Variants in ANTXR1 observed in about 807,000 individuals in gnomAD.
ANTXR1 encodes ANTXR cell adhesion molecule 1.
ANTXR1 carries 19 observed loss-of-function variants against 78.1 expected under a neutral mutation model. That is an observed-to-expected ratio of 0.24 (90% CI 0.17 to 0.36). The LOEUF (loss-of-function observed/expected upper bound fraction) is 0.36. Ranked by LOEUF, ANTXR1 falls within the 10% of genes least tolerant of loss-of-function variation. The pLI is 1.00. For synonymous variants in ANTXR1, 273 were observed against 260.5 expected, an observed-to-expected ratio of 1.05 and a Z score of -0.46; for missense variants, 518 against 718.6, an observed-to-expected ratio of 0.72 and a Z score of 3.19.
At chr2:69,106,474 C>T (rs1404995961) in intron 10 of ANTXR1, among the ~76,000 whole-genome samples, 1 of 152,178 alleles carries the variant, frequency 6.6e-6, no homozygotes, top group Non-Finnish European at 1.5e-5. Context: ...GCTGTGACCC[C>T]GATGCTGATG....
chr2:69,017,850 A>G (rs1213797649), intron 1 of ANTXR1, among the ~76,000 whole-genome samples: 1 of 152,144 alleles, frequency 6.6e-6, no homozygotes, highest in African/African-American at 2.4e-5. Flanking sequence ...TCCAAGATGA[A>G]TGCACCCATT....
At chr2:69,117,644 C>G (rs1437360798) in intron 10 of ANTXR1, among the ~76,000 whole-genome samples, 1 of 152,180 alleles carries the variant, frequency 6.6e-6, no homozygotes. Context: ...TGATTTTAAA[C>G]CATACATCCA....
At chr2:69,224,992 T>G (rs1009434586) in intron 17 of ANTXR1, among the ~76,000 whole-genome samples, 6 of 126,266 alleles carry the variant, frequency 4.8e-5, no homozygotes, top group African/African-American at 9.9e-5. Context: ...TTTTCTGTGG[T>G]GTTCCCAGCC....
At chr2:69,245,086 T>C (rs1249971072) in intron 17 of ANTXR1, 139 bp from the exon 18 acceptor site, 1 of 952,432 alleles carries the variant, frequency 1.0e-6, no homozygotes, top group Non-Finnish European at 1.7e-6. Context: ...TGTCCTCAAG[T>C]TCTACTATGT....
At chr2:69,183,009 G>T in intron 16 of ANTXR1, 1 of 281,406 alleles carries the variant, frequency 3.6e-6, no homozygotes, top group Non-Finnish European at 6.7e-6. Flanking sequence ...ACCATGGCAA[G>T]GTACTGGAAA....
intron 3 of ANTXR1, among the ~76,000 whole-genome samples, chr2:69,061,077 C>T (rs1437285960): frequency 6.6e-6 from 1 of 152,114 alleles, no homozygotes; most frequent in Non-Finnish European, 1.5e-5. Flanking sequence ...GATGAACAAA[C>T]CATGTAGCCT....
intron 17 of ANTXR1, among the ~76,000 whole-genome samples, chr2:69,200,591 CT>C (rs1282830375): frequency 1.3e-5 from 2 of 152,200 alleles, no homozygotes; most frequent in Non-Finnish European, 2.9e-5. Context: ...AACCCCTTTC[CT>C]TTTTTTCTTT....
intron 9 of ANTXR1, among the ~76,000 whole-genome samples, chr2:69,101,435 T>G (rs1671616589): frequency 6.6e-6 from 1 of 152,228 alleles, no homozygotes; most frequent in Non-Finnish European, 1.5e-5. Flanking sequence ...CTTGGACACA[T>G]TACTTAACTT....
chr2:69,182,914 A>T, intron 16 of ANTXR1: 7 of 527,326 alleles, frequency 1.3e-5, no homozygotes, highest in Non-Finnish European at 2.4e-5. Flanking sequence ...AAACTGGAAC[A>T]ATATAGAGAA....
chr2:69,181,276 C>G (rs1573959444), intron 14 of ANTXR1, among the ~76,000 whole-genome samples: 3 of 152,200 alleles, frequency 2.0e-5, no homozygotes, highest in Admixed American at 2.0e-4. Context: ...ACAGAACTAG[C>G]TGGCAAGTTG....
intron 3 of ANTXR1, among the ~76,000 whole-genome samples, chr2:69,070,026 C>A (rs1670520262): frequency 6.6e-6 from 1 of 152,130 alleles, no homozygotes; most frequent in Admixed American, 6.5e-5. Context: ...TCCATTTGGC[C>A]CCCAAGTCAT....
chr2:69,048,207 C>T (rs189816460), intron 3 of ANTXR1, among the ~76,000 whole-genome samples: 1 of 151,878 alleles, frequency 6.6e-6, no homozygotes, highest in East Asian at 1.9e-4. Context: ...TTCAACTATT[C>T]ATTTAAAAAA....
chr2:69,142,674 G>A (rs1048560947), intron 12 of ANTXR1, among the ~76,000 whole-genome samples: 2 of 152,138 alleles, frequency 1.3e-5, no homozygotes, highest in Admixed American at 6.6e-5. Context: ...TAAATCAGGT[G>A]GTACCTGAGC....
At chr2:69,032,281 T>G (rs188315210) in intron 1 of ANTXR1, among the ~76,000 whole-genome samples, 1 of 152,300 alleles carries the variant, frequency 6.6e-6, no homozygotes, top group Admixed American at 6.5e-5. Flanking sequence ...AGTCTGAAAG[T>G]AAAATCATTG....
At chr2:69,070,525 TG>T (rs1487165837) in intron 3 of ANTXR1, 121 bp from the exon 4 acceptor site, 1 of 882,236 alleles carries the variant, frequency 1.1e-6, no homozygotes, top group Non-Finnish European at 1.9e-6. Context: ...GATAGGCTTT[TG>T]GGGAATTACT....
At chr2:69,087,364 A>G (rs1329989371) in intron 8 of ANTXR1, among the ~76,000 whole-genome samples, 1 of 152,202 alleles carries the variant, frequency 6.6e-6, no homozygotes, top group Non-Finnish European at 1.5e-5. Flanking sequence ...CCACTTTTAT[A>G]GAGAGGAAAC....
intron 3 of ANTXR1, among the ~76,000 whole-genome samples, chr2:69,058,171 G>A (rs536187901): frequency 1.1e-3 from 161 of 152,304 alleles, no homozygotes; most frequent in Middle Eastern, 3.4e-3. Flanking sequence ...TTACCCAGAA[G>A]ATTTAGCTAA....
intron 17 of ANTXR1, among the ~76,000 whole-genome samples, chr2:69,213,958 G>A (rs1350209346): frequency 2.0e-5 from 3 of 152,268 alleles, no homozygotes; most frequent in African/African-American, 7.2e-5. Context: ...GCATGGGAGG[G>A]GGTCAGCCCA....
At chr2:69,107,266 G>A (rs1671840746) in intron 10 of ANTXR1, among the ~76,000 whole-genome samples, 1 of 152,094 alleles carries the variant, frequency 6.6e-6, no homozygotes, top group African/African-American at 2.4e-5. Context: ...TTGAGACAGG[G>A]TCTGGCTCTG....
Sources: gnomAD v4.1 joint callset for allele counts (sites outside exome capture counted in the v4.1 genomes callset) on GRCh38, gnomAD v4.1.1 for gene constraint, MANE v1.5 for transcripts, NCBI Gene and HGNC (gene_info 2026-07-23, HGNC 2026-07-21) for gene names.